Variants in EYA2 observed in about 807,000 individuals in gnomAD.
EYA2 encodes EYA transcriptional coactivator and phosphatase 2.
A neutral mutation model predicts 69.2 loss-of-function variants in EYA2; 31 were observed. The ratio of observed to expected loss-of-function variants is 0.45; its 90% confidence interval spans 0.34 to 0.60. EYA2 has a LOEUF of 0.60. Ranked by LOEUF, EYA2 falls within the 20% of genes least tolerant of loss-of-function variation. The pLI, the probability that EYA2 is intolerant of heterozygous loss-of-function variation, is 0.02. For missense variants in EYA2, 622 were observed against 701.2 expected, an observed-to-expected ratio of 0.89 and a Z score of 1.28; for synonymous variants, 257 against 279.4, an observed-to-expected ratio of 0.92 and a Z score of 0.80.
chr20:47,041,838 A>AT (rs11355706), intron 5 of EYA2, among the ~76,000 whole-genome samples: 46 of 150,280 alleles, frequency 3.1e-4, no homozygotes, highest in Admixed American at 4.7e-4. Context: ...CTATTATTTG[A>AT]TTTTTTTTTT....
At chr20:47,036,960 C>T (rs1392142367) in intron 5 of EYA2, among the ~76,000 whole-genome samples, 2 of 152,034 alleles carry the variant, frequency 1.3e-5, no homozygotes, top group African/African-American at 4.8e-5. Flanking sequence ...AATAACTGAC[C>T]GAGACTGGGT....
intron 5 of EYA2, among the ~76,000 whole-genome samples, chr20:47,056,831 G>T (rs2030635137): frequency 6.6e-6 from 1 of 152,092 alleles, no homozygotes; most frequent in Non-Finnish European, 1.5e-5. Flanking sequence ...GATTGCTTGA[G>T]CCCAGAAGTT....
At chr20:47,175,666 C>T (rs946546347) in intron 12 of EYA2, among the ~76,000 whole-genome samples, 1 of 152,112 alleles carries the variant, frequency 6.6e-6, no homozygotes. Context: ...AGGAAAACGC[C>T]GAGGAAACAG....
chr20:46,990,198 C>A (rs111939853), intron 2 of EYA2, 79 bp downstream of exon 2: 2 of 763,426 alleles, frequency 2.6e-6, no homozygotes, highest in Non-Finnish European at 4.7e-6. Context: ...GCAACAGACA[C>A]GCATCCTTTC....
intron 4 of EYA2, among the ~76,000 whole-genome samples, chr20:47,007,899 A>G (rs1358823680): frequency 6.6e-6 from 1 of 152,046 alleles, no homozygotes; most frequent in African/African-American, 2.4e-5. Flanking sequence ...AAGTGCTACA[A>G]TGACAGGCAT....
chr20:47,007,079 G>T (rs6018230), intron 4 of EYA2, among the ~76,000 whole-genome samples: 3 of 151,944 alleles, frequency 2.0e-5, no homozygotes, highest in Admixed American at 6.6e-5. Context: ...ACAGGCATAC[G>T]CTACTGCGCC....
At chr20:46,977,388 G>A (rs1469440939) in intron 1 of EYA2, among the ~76,000 whole-genome samples, 2 of 152,210 alleles carry the variant, frequency 1.3e-5, no homozygotes, top group African/African-American at 2.4e-5. Flanking sequence ...ACTAGTTGGG[G>A]TCACCTGTTG....
At chr20:47,172,108 AAAAAAAAAT>A (rs1456892611) in intron 11 of EYA2, among the ~76,000 whole-genome samples, 54 of 149,600 alleles carry the variant, frequency 3.6e-4, no homozygotes, top group African/African-American at 1.3e-3. Context: ...CAAAATAAAT[AAAAAAAAAT>A]AAAAAAAATA....
At chr20:46,938,323 T>C (rs575553763) in intron 1 of EYA2, among the ~76,000 whole-genome samples, 2 of 152,346 alleles carry the variant, frequency 1.3e-5, no homozygotes, top group South Asian at 4.1e-4. Context: ...ATGATGATTC[T>C]TCACCCCAAA....
chr20:47,126,254 T>C (rs771604646), intron 9 of EYA2, among the ~76,000 whole-genome samples: 13 of 152,218 alleles, frequency 8.5e-5, no homozygotes, highest in Non-Finnish European at 1.9e-4. Context: ...GTGCAAATGC[T>C]AGGTGTGACC....
chr20:47,020,608 C>G (rs1042237283), intron 5 of EYA2, among the ~76,000 whole-genome samples: 2 of 152,090 alleles, frequency 1.3e-5, no homozygotes, highest in Non-Finnish European at 2.9e-5. Flanking sequence ...GGAAAAAAAT[C>G]TCCAGAGTGT....
chr20:47,004,735 G>A, intron 3 of EYA2: 1 of 670,172 alleles, frequency 1.5e-6, no homozygotes, highest in East Asian at 2.8e-5. Flanking sequence ...CAGTCACACG[G>A]CTGAATCTGA....
chr20:47,087,992 C>T (rs946454716), intron 7 of EYA2, among the ~76,000 whole-genome samples: 1 of 152,166 alleles, frequency 6.6e-6, no homozygotes, highest in Non-Finnish European at 1.5e-5. Context: ...TTTGGGAGGC[C>T]GAGGCAGGTA....
intron 1 of EYA2, among the ~76,000 whole-genome samples, chr20:46,931,703 G>T (rs1015574661): frequency 2.0e-5 from 3 of 152,068 alleles, no homozygotes; most frequent in African/African-American, 7.2e-5. Context: ...ACCATCTCTG[G>T]GGTGGCTGAC....
At chr20:46,940,647 A>C (rs1986115939) in intron 1 of EYA2, among the ~76,000 whole-genome samples, 1 of 152,158 alleles carries the variant, frequency 6.6e-6, no homozygotes, top group African/African-American at 2.4e-5. Flanking sequence ...CTTGTCCCTG[A>C]GGGGTTAAAT....
At chr20:46,913,287 G>A (rs1306254070) in intron 1 of EYA2, among the ~76,000 whole-genome samples, 1 of 152,192 alleles carries the variant, frequency 6.6e-6, no homozygotes, top group Non-Finnish European at 1.5e-5. Flanking sequence ...CTCTGAGTGG[G>A]GTTGTGCCTG....
chr20:47,029,880 GA>G (rs930061376), intron 5 of EYA2, among the ~76,000 whole-genome samples: 4 of 151,968 alleles, frequency 2.6e-5, no homozygotes, highest in South Asian at 2.1e-4. Context: ...TTAAAGCCCT[GA>G]AAAAAAATTC....
At chr20:47,154,598 A>C (rs1039547261) in intron 10 of EYA2, among the ~76,000 whole-genome samples, 1 of 151,892 alleles carries the variant, frequency 6.6e-6, no homozygotes, top group African/African-American at 2.4e-5. Context: ...TGGTTTGAGA[A>C]AAAGGATTCC....
At chr20:46,949,203 C>T (rs1978651495) in intron 1 of EYA2, among the ~76,000 whole-genome samples, 1 of 152,160 alleles carries the variant, frequency 6.6e-6, no homozygotes, top group Admixed American at 6.6e-5. Context: ...ATGCTATTGG[C>T]AGTTGAGGCC....
Sources: gnomAD v4.1 joint callset for allele counts (sites outside exome capture counted in the v4.1 genomes callset) on GRCh38, gnomAD v4.1.1 for gene constraint, MANE v1.5 for transcripts, NCBI Gene and HGNC (gene_info 2026-07-23, HGNC 2026-07-21) for gene names.